Variants in NRG2 observed in about 807,000 individuals in gnomAD.
NRG2 encodes neuregulin 2.
NRG2 carries 27 observed loss-of-function variants against 73.9 expected under a neutral mutation model. The ratio of observed to expected loss-of-function variants is 0.37; its 90% CI spans 0.27 to 0.50. NRG2 has a LOEUF of 0.50. Ranked by LOEUF, NRG2 falls within the 20% of genes least tolerant of loss-of-function variation. The pLI, the probability that NRG2 is intolerant of heterozygous loss-of-function variation, is 0.96. For missense variants in NRG2, 1,126 were observed against 1,210.1 expected, an observed-to-expected ratio of 0.93 and a Z score of 1.03; for synonymous variants, 532 against 541.0, an observed-to-expected ratio of 0.98 and a Z score of 0.23.
At chr5:139,902,814 G>A (rs990422553) in intron 1 of NRG2, among the ~76,000 whole-genome samples, 2 of 152,210 alleles carry the variant, frequency 1.3e-5, no homozygotes, top group African/African-American at 2.4e-5. Flanking sequence ...CAGTTTGGGA[G>A]CTCATCCCAC....
chr5:139,897,064 G>T, intron 1 of NRG2, among the ~76,000 whole-genome samples: 1 of 152,098 alleles, frequency 6.6e-6, no homozygotes, highest in East Asian at 1.9e-4. Context: ...CCCCAAACTT[G>T]CCCATGCCTA....
intron 1 of NRG2, among the ~76,000 whole-genome samples, chr5:139,974,553 G>A (rs1243086503): frequency 2.0e-5 from 3 of 152,234 alleles, no homozygotes; most frequent in Middle Eastern, 3.4e-3. Context: ...AAGACATGAG[G>A]CAATCGCACA....
chr5:139,850,592 C>T (rs1485513509), intron 9 of NRG2, among the ~76,000 whole-genome samples: 2 of 152,210 alleles, frequency 1.3e-5, no homozygotes, highest in Non-Finnish European at 2.9e-5. Context: ...TCTCCCTGCT[C>T]CCTGGTGTGG....
Position 139,848,513 on chromosome 5 carries a change from G to T in NRG2, c.1957C>A (p.Pro653Thr), listed in dbSNP as rs1384762616. 1.4e-6 allele frequency: 2 copies of T among 1,386,548 alleles called. No individual in the cohort carries two copies. The highest frequency in any genetic ancestry group is 1.5e-5 in the African/African-American group (1 of 64,882). 85.9% of individuals were successfully genotyped at this position (1,386,548 alleles called of 1,614,324 possible). ...EQQPLLRHPA[P>T]PGPGPGPGPG... is the part of the protein sequence containing the mutation. ...CCGGGTCCGGGTCCCGGGCCGGGGG[G>T]CGCCGGGTGCCGCAGTAACGGCTGC... The change falls in exon 10 of 10, where the codon CCC (proline) becomes ACC (threonine). Residue 653 changes from proline (P) to threonine (T), a missense_variant. By Grantham distance (38) the Pro-to-Thr change is conservative (BLOSUM62 -1). Around this residue, in one of 3 missense-constraint regions of NRG2, gnomAD observed 402 missense variants for 357.8 expected, o/e 1.12. Coordinates refer to ENST00000361474, the MANE Select transcript of NRG2 (RefSeq NM_004883.3).
Position 139,915,621 on chromosome 5 carries a change from G to T in NRG2, c.701-28110C>A, listed in dbSNP as rs557980285. ...TCAGGCTGCACTGCCTGATCTACAG[G>T]TGTTTTCTCCGTATATTGTCTGTAT... is the stretch of plus-strand genomic sequence containing the variant. On this transcript the variant is annotated intron_variant, in intron 1 of 9. Coordinates refer to ENST00000361474, the MANE Select transcript of NRG2 (RefSeq NM_004883.3). This position sits in a 1 kb window ranked among gnomAD's most constrained non-coding sequence, Gnocchi z 4.0. 6.6e-6 allele frequency among the ~76,000 whole-genome samples: 1 copy of T among 152,308 alleles called. No homozygotes were observed. Among genetic ancestry groups the T allele is most frequent in the Non-Finnish European group, 1.5e-5 (1 of 68,028 alleles).
At chr5:139,998,126 G>C (rs1478378687) in intron 1 of NRG2, among the ~76,000 whole-genome samples, 1 of 152,190 alleles carries the variant, frequency 6.6e-6, no homozygotes, top group African/African-American at 2.4e-5. Flanking sequence ...GGAGTCAAAA[G>C]TCAAAGACTC....
Position 139,848,497 on chromosome 5 carries a change from G to A in NRG2, c.1973C>T (p.Pro658Leu). Residue 658 changes from proline to leucine, a missense_variant, in exon 10 of 10, where the codon CCC becomes CTC. Coordinates refer to ENST00000361474, the MANE Select transcript of NRG2 (RefSeq NM_004883.3). ...GGGCCCGGGCCCGGGCCCGGGTCCG[G>A]GTCCCGGGCCGGGGGGCGCCGGGTG... ...LRHPAPPGPG[P>L]GPGPGPGPGA... is the part of the protein sequence containing the mutation. 2 of 1,363,554 alleles carry A rather than the reference G, an allele frequency of 1.5e-6. No homozygotes were observed. Among genetic ancestry groups the A allele is most frequent in the Non-Finnish European group, 9.3e-7 (1 of 1,071,698 alleles). 84.5% of individuals were successfully genotyped at this position (1,363,554 alleles called of 1,614,324 possible). A position where few individuals can be genotyped will look rare whatever the true frequency, so the allele number is the denominator to read the frequency against.
At chr5:139,950,976 A>C (rs1754157234) in intron 1 of NRG2, among the ~76,000 whole-genome samples, 1 of 152,188 alleles carries the variant, frequency 6.6e-6, no homozygotes, top group Non-Finnish European at 1.5e-5. Flanking sequence ...ATCATCTTCT[A>C]TGTTGTCTCT....
intron 1 of NRG2, among the ~76,000 whole-genome samples, chr5:139,903,267 C>T (rs1765004226): frequency 6.6e-6 from 1 of 152,230 alleles, no homozygotes; most frequent in African/African-American, 2.4e-5. Context: ...CCAGTCTTAT[C>T]TCTGGAACGT....
intron 1 of NRG2, among the ~76,000 whole-genome samples, chr5:139,912,190 G>A (rs1329316819): frequency 6.6e-6 from 1 of 152,198 alleles, no homozygotes; most frequent in Non-Finnish European, 1.5e-5. Flanking sequence ...CTAGAAGGAT[G>A]CAATCTCTTT....
intron 2 of NRG2, 21 bp from the exon 3 acceptor site, chr5:139,880,995 A>C (rs1259662006): frequency 3.7e-6 from 6 of 1,603,444 alleles, no homozygotes; most frequent in Non-Finnish European, 4.3e-6. Flanking sequence ...AGGGGATAAA[A>C]GGGGGAGAGG....
chr5:140,000,679 G>T (rs1307054202), intron 1 of NRG2, among the ~76,000 whole-genome samples: 1 of 152,210 alleles, frequency 6.6e-6, no homozygotes, highest in East Asian at 1.9e-4. Flanking sequence ...TCTCTTCGGA[G>T]CTCTCGAAAA....
chr5:139,901,491 A>G (rs781755212), intron 1 of NRG2, among the ~76,000 whole-genome samples: 4 of 152,182 alleles, frequency 2.6e-5, no homozygotes, highest in Non-Finnish European at 5.9e-5. Flanking sequence ...GCACATGAGC[A>G]TATCCCACCT....
intron 1 of NRG2, among the ~76,000 whole-genome samples, chr5:139,889,524 C>G (rs1764077041): frequency 6.6e-6 from 1 of 152,126 alleles, no homozygotes; most frequent in Non-Finnish European, 1.5e-5. Flanking sequence ...ATCCCGCACC[C>G]CCGAGTATTC....
chr5:139,943,722 C>G (rs1288418869), intron 1 of NRG2, among the ~76,000 whole-genome samples: 3 of 152,106 alleles, frequency 2.0e-5, no homozygotes, highest in Non-Finnish European at 2.9e-5. Context: ...CTTGTTTTGA[C>G]ATAATGAGGA....
At chr5:140,036,729 C>G (rs962252285) in intron 1 of NRG2, among the ~76,000 whole-genome samples, 1 of 152,174 alleles carries the variant, frequency 6.6e-6, no homozygotes, top group Non-Finnish European at 1.5e-5. Context: ...TCCATCCAAA[C>G]ACAAAATTTG....
At chr5:139,996,468 G>T (rs1455456857) in intron 1 of NRG2, among the ~76,000 whole-genome samples, 1 of 152,116 alleles carries the variant, frequency 6.6e-6, no homozygotes, top group Non-Finnish European at 1.5e-5. Context: ...TTGTCCCCAG[G>T]ATCCTTAAAT....
chr5:139,995,000 G>C (rs140802167), intron 1 of NRG2, among the ~76,000 whole-genome samples: 114 of 152,308 alleles, frequency 7.5e-4, no homozygotes, highest in African/African-American at 2.7e-3. Context: ...TGAGGAGTCT[G>C]AACTTCAGCC....
At chr5:139,968,002 T>TAAAA (rs1755676114) in intron 1 of NRG2, among the ~76,000 whole-genome samples, 1 of 150,924 alleles carries the variant, frequency 6.6e-6, no homozygotes, top group African/African-American at 2.4e-5. Context: ...AATAAATAAA[T>TAAAA]AAATAAATAA....
Sources: gnomAD v4.1 joint callset for allele counts (sites outside exome capture counted in the v4.1 genomes callset) on GRCh38, gnomAD v4.1.1 for gene constraint, gnomAD v4.1.1 regional missense constraint, Gnocchi (gnomAD v3.1) non-coding constraint, MANE v1.5 for transcripts, NCBI Gene and HGNC (gene_info 2026-07-23, HGNC 2026-07-21) for gene names.